The following MYOM3 variants were observed in gnomAD, a reference collection of about 807,000 sequenced individuals.
MYOM3 encodes the protein myomesin-3.
In MYOM3, 155 loss-of-function variants were observed where a neutral mutation model predicts 191.7. The observed-to-expected ratio is 0.81, with a 90% CI of 0.71 to 0.92. MYOM3 has a LOEUF of 0.92. MYOM3 is among the 40% of genes least tolerant of loss of function. The probability of loss-of-function intolerance (pLI) is 0.00; values close to 1 mark genes in which losing one functional copy is unlikely to be tolerated. For synonymous variants in MYOM3, 757 were observed against 762.9 expected (o/e 0.99, Z 0.13); for missense variants, 1,889 against 1,890.6 (o/e 1.00, Z 0.02).
intron 36 of MYOM3, among the ~76,000 whole-genome samples, chr1:24,058,244 C>G (rs1351932917): frequency 6.6e-6 from 1 of 152,138 alleles, no homozygotes; most frequent in Non-Finnish European, 1.5e-5. Flanking sequence ...TTTTACAATG[C>G]AAGTAAGATT....
intron 25 of MYOM3, 58 bp from the exon 26 acceptor site, chr1:24,068,425 A>G (rs1402202525): frequency 6.2e-7 from 1 of 1,604,206 alleles, no homozygotes; most frequent in African/African-American, 1.3e-5. Flanking sequence ...GTTGTGGGGT[A>G]CACATCAGAG....
At chr1:24,090,009 T>C in intron 13 of MYOM3, 56 bp downstream of exon 13, 1 of 1,557,078 alleles carries the variant, frequency 6.4e-7, no homozygotes, top group Non-Finnish European at 8.9e-7. Context: ...CCAGCTCATG[T>C]CCCAGAGTTT....
In MYOM3 at chr1:24,057,214, C is replaced by T. The variant is rs1039827846; in HGVS notation, c.*150G>A. 8.4e-5 allele frequency: 66 copies of T among 783,684 alleles called. No individual in the cohort carries two copies. The highest frequency in any genetic ancestry group is 7.3e-4 in the African/African-American group (42 of 57,522). The allele number at this position is 783,684 out of a possible 1,614,324, so 48.5% of individuals were successfully genotyped here. On this transcript the variant is annotated 3_prime_UTR_variant, in exon 37 of 37. Transcript: ENST00000374434. ...CTTTGCTTCTCCACTTTGGTGCATC[C>T]GCTCCACCCCCACCCTCACATCCTG...
chr1:24,092,890 G>A (rs569873093), intron 10 of MYOM3, 57 bp downstream of exon 10: 5 of 1,419,142 alleles, frequency 3.5e-6, no homozygotes, highest in East Asian at 5.3e-5. Flanking sequence ...GCAAACAAGG[G>A]GCAGAGCCCT....
chr1:24,063,500 C>T lies in MYOM3; in HGVS notation c.3653G>A (p.Arg1218Lys), dbSNP rs1365027118. 4 of 1,614,024 alleles carry T rather than the reference C, an allele frequency of 2.5e-6. No individual in the cohort carries two copies. The East Asian group carries it at 6.7e-5, about 27-fold the overall frequency. ...ALDAIFTELGRIGALSATPLK... is the reference protein window; with the variant it reads ...ALDAIFTELGKIGALSATPLK... ...AGAGGCAGGCTGCTTACCACCAATC[C>T]TGCCCAACTCGGTGAAGATGGCATC... Residue 1218 changes from arginine (R) to lysine (K), a missense_variant, in exon 31 of 37, where the codon AGG becomes AAG. Physicochemically the swap from Arg to Lys is conservative, Grantham distance 26. Coordinates refer to ENST00000374434, the MANE Select transcript of MYOM3 (RefSeq NM_152372.4). The surrounding 1 kb of genome is among the most constrained non-coding windows in gnomAD (Gnocchi z 4.5).
rs183687699 is a variant in MYOM3, at chr1:24,063,036, A to G, written c.3770+90T>C. ...GGGGACCAGAAACTCTGCTTGGAGG[A>G]CCAGGCAGGGAGAAGGGAGGGAGGC... On this transcript the variant is annotated intron_variant, in intron 32 of 36. Transcript: ENST00000374434. This position sits in a 1 kb window ranked among gnomAD's most constrained non-coding sequence, Gnocchi z 4.5. 3.3e-4 allele frequency: 270 copies of G among 810,784 alleles called. 1 individual carries two copies. The African/African-American group carries it at 3.6e-3, about 11-fold the overall frequency. 50.2% of individuals were successfully genotyped at this position (810,784 alleles called of 1,614,324 possible).
chr1:24,111,125 C>T lies in MYOM3; in HGVS notation c.-19+906G>A, dbSNP rs987172808. Among the ~76,000 whole-genome samples the T allele has an allele frequency of 2.6e-5, 4 of 152,250 alleles. No homozygotes were observed. The highest frequency in any genetic ancestry group is 4.4e-5 in the Non-Finnish European group (3 of 68,048). On this transcript the variant is annotated intron_variant, in intron 1 of 36. Coordinates refer to ENST00000374434, the MANE Select transcript of MYOM3 (RefSeq NM_152372.4). The surrounding 1 kb of genome is among the most constrained non-coding windows in gnomAD (Gnocchi z 4.7). ...GTATTAAGCAGGGACAAGTTTGCGG[C>T]CTCACTGCCCTTTCCCAAAGGACCA...
intron 24 of MYOM3, 60 bp from the exon 25 acceptor site, chr1:24,071,313 T>G: frequency 6.5e-7 from 1 of 1,548,300 alleles, no homozygotes; most frequent in Non-Finnish European, 8.7e-7. Context: ...CCCGCTCCCT[T>G]CCAGCCCCAC....
intron 4 of MYOM3, among the ~76,000 whole-genome samples, chr1:24,106,317 T>C (rs1643982998): frequency 6.6e-6 from 1 of 152,182 alleles, no homozygotes; most frequent in Non-Finnish European, 1.5e-5. Context: ...TCAGTGTCCT[T>C]ATTGGTAAAA....
chr1:24,093,764 C>A (rs1468749641), intron 9 of MYOM3, among the ~76,000 whole-genome samples: 1 of 152,186 alleles, frequency 6.6e-6, no homozygotes, highest in African/African-American at 2.4e-5. Flanking sequence ...GGGAAGACGT[C>A]TCAGCCTTGT....
intron 16 of MYOM3, 86 bp from the exon 17 acceptor site, chr1:24,082,800 T>A: frequency 6.9e-7 from 1 of 1,455,942 alleles, no homozygotes; most frequent in Non-Finnish European, 9.1e-7. Flanking sequence ...GTGGAATAAG[T>A]GGTCACCAGC....
intron 23 of MYOM3, 103 bp from the exon 24 acceptor site, chr1:24,072,116 A>T (rs1643538936): frequency 3.4e-6 from 4 of 1,161,588 alleles, no homozygotes; most frequent in Non-Finnish European, 3.9e-6. Context: ...CTGGGTCAAA[A>T]TTCCAAGAGA....
At chr1:24,073,226 T>C (rs1327257077) in intron 23 of MYOM3, among the ~76,000 whole-genome samples, 1 of 152,140 alleles carries the variant, frequency 6.6e-6, no homozygotes, top group East Asian at 1.9e-4. Context: ...GGAACTGGAA[T>C]TGGAACCTGG....
chr1:24,068,183 C>T (rs12125641), intron 26 of MYOM3, 40 bp downstream of exon 26: 233,181 of 974,790 alleles, frequency 0.24, 19,843 homozygotes, highest in Middle Eastern at 0.36. Flanking sequence ...CGGGGCAGGG[C>T]GGGGCAGGGC....
At position 24,097,894 on chromosome 1, in the gene MYOM3, G is replaced by T. The variant is rs185701000; in HGVS notation, c.745+29C>A. ...CCCAGCTTGGGTTTGCTGTGGCCCG[G>T]AGTGCCTGTTGGGGTTGGGAGGACT... On this transcript the variant is annotated intron_variant, in intron 7 of 36. Transcript: ENST00000374434. 20 of 1,473,330 alleles carry T rather than the reference G, an allele frequency of 1.4e-5. No homozygotes were observed. The Admixed American group carries it at 3.2e-4, about 23-fold the overall frequency. The allele number at this position is 1,473,330 out of a possible 1,614,324, so 91.3% of individuals were successfully genotyped here.
chr1:24,066,344 G>T, intron 28 of MYOM3: 1 of 652,722 alleles, frequency 1.5e-6, no homozygotes, highest in Non-Finnish European at 2.8e-6. Flanking sequence ...CAATGGTCCT[G>T]CCTTGAACAT....
intron 9 of MYOM3, 124 bp from the exon 10 acceptor site, chr1:24,093,232 C>T (rs1643862052): frequency 1.5e-6 from 1 of 663,838 alleles, no homozygotes; most frequent in African/African-American, 1.8e-5. Context: ...AGGCTCAGCT[C>T]AGGCCTTGGG....
At chr1:24,108,146 C>T in intron 2 of MYOM3, 73 bp from the exon 3 acceptor site, 1 of 1,411,950 alleles carries the variant, frequency 7.1e-7, no homozygotes, top group Non-Finnish European at 9.8e-7. Context: ...AGGGCTGCAT[C>T]TGCCCACCTC....
chr1:24,072,065 CG>C (rs1557604662), intron 23 of MYOM3, 52 bp from the exon 24 acceptor site: 3 of 1,567,278 alleles, frequency 1.9e-6, no homozygotes, highest in East Asian at 2.2e-5. Context: ...ATATCCTGGT[CG>C]GGGGTGGGGG....
Sources: allele counts gnomAD v4.1 joint callset (sites outside exome capture counted in the v4.1 genomes callset), GRCh38; gene constraint gnomAD v4.1.1; non-coding constraint Gnocchi (gnomAD v3.1); transcripts MANE v1.5; gene names NCBI Gene and HGNC (gene_info 2026-07-23, HGNC 2026-07-21).